The following FRYL variants were observed in gnomAD, a reference collection of about 807,000 sequenced individuals.
The protein encoded by FRYL is protein furry homolog-like.
FRYL carries 150 observed loss-of-function variants against 351.2 expected under a neutral mutation model. The observed-to-expected ratio is 0.43, with a 90% CI of 0.37 to 0.49. The LOEUF is 0.49. Among genes scored for constraint, FRYL ranks in the 20% least tolerant of loss-of-function variants. The probability of loss-of-function intolerance (pLI) is 0.00; values close to 1 mark genes in which losing one functional copy is unlikely to be tolerated. For missense variants in FRYL, 3,036 were observed against 3,619.3 expected, an observed-to-expected ratio of 0.84 and a Z score of 4.13; for synonymous variants, 1,153 against 1,257.1, an observed-to-expected ratio of 0.92 and a Z score of 1.75.
chr4:48,663,193 CA>C (rs146411753), intron 3 of FRYL, among the ~76,000 whole-genome samples: 4,884 of 151,870 alleles, frequency 0.032, 250 homozygotes, highest in African/African-American at 0.11. Context: ...ACTACAATAG[CA>C]CATAGGAGGA....
intron 3 of FRYL, among the ~76,000 whole-genome samples, chr4:48,668,316 A>C (rs1234359289): frequency 6.6e-6 from 1 of 151,742 alleles, no homozygotes; most frequent in Admixed American, 6.6e-5. Context: ...TTCCATTTTG[A>C]AACTAAGGCT....
At chr4:48,531,643 T>TA (rs1204575091) in intron 49 of FRYL, among the ~76,000 whole-genome samples, 1 of 152,214 alleles carries the variant, frequency 6.6e-6, no homozygotes, top group Non-Finnish European at 1.5e-5. Flanking sequence ...GACAGACTAA[T>TA]ACAGTAACTT....
rs182673838 is a variant in FRYL, at chr4:48,622,747, G to C, written c.174+379C>G. Reference sequence around the variant, plus strand: ...TTAGCATTAGAAGATCAGCACAAGAGTTGTTAGACACCGGCATTCTACATG... The same window carrying C: ...TTAGCATTAGAAGATCAGCACAAGACTTGTTAGACACCGGCATTCTACATG... On this transcript the variant is annotated intron_variant, in intron 5 of 63. Transcript: ENST00000358350. Among the ~76,000 whole-genome samples, 771 of 152,144 alleles carry C rather than the reference G, an allele frequency of 5.1e-3. 4 individuals are homozygous for C. Among genetic ancestry groups the C allele is most frequent in the African/African-American group, 0.018 (739 of 41,526 alleles).
chr4:48,716,709 T>C (rs1388353115), intron 1 of FRYL, among the ~76,000 whole-genome samples: 11 of 151,520 alleles, frequency 7.3e-5, no homozygotes, highest in Non-Finnish European at 1.5e-4. Flanking sequence ...TGGAAGTCAG[T>C]GTGGCGATTT....
At chr4:48,592,093 T>TATATATATATATATATATATATATATAC (rs1743458964) in intron 16 of FRYL, among the ~76,000 whole-genome samples, 1 of 36,508 alleles carries the variant, frequency 2.7e-5, no homozygotes, top group African/African-American at 6.0e-5. Flanking sequence ...TATATATATA[T>TATATATATATATATATATATATATATAC]ATATATATAT....
chr4:48,606,367 C>A, intron 10 of FRYL, 71 bp downstream of exon 10: 1 of 982,152 alleles, frequency 1.0e-6, no homozygotes, highest in South Asian at 2.2e-5. Flanking sequence ...TATTTTGTTT[C>A]TTTTAAAAAG....
At chr4:48,616,534 C>G (rs1749475617) in intron 7 of FRYL, among the ~76,000 whole-genome samples, 1 of 152,132 alleles carries the variant, frequency 6.6e-6, no homozygotes, top group African/African-American at 2.4e-5. Flanking sequence ...ACAAAGCAAG[C>G]AAGAGAGCTG....
intron 1 of FRYL, among the ~76,000 whole-genome samples, chr4:48,758,833 A>G (rs1030823553): frequency 1.3e-4 from 20 of 152,218 alleles, no homozygotes; most frequent in Non-Finnish European, 2.1e-4. Context: ...AACCAACCCA[A>G]ATGTCCATCA....
At chr4:48,633,487 T>G (rs1338838632) in intron 4 of FRYL, among the ~76,000 whole-genome samples, 1 of 152,168 alleles carries the variant, frequency 6.6e-6, no homozygotes, top group Admixed American at 6.5e-5. Context: ...ACTAATTCCA[T>G]GTGGTGAGAT....
At chr4:48,707,654 GA>G (rs1166147655) in intron 2 of FRYL, among the ~76,000 whole-genome samples, 9 of 152,014 alleles carry the variant, frequency 5.9e-5, no homozygotes. Flanking sequence ...CAAGACCTTA[GA>G]AAAGAAACTG....
chr4:48,700,375 C>T (rs1578760212), intron 2 of FRYL, among the ~76,000 whole-genome samples: 1 of 152,150 alleles, frequency 6.6e-6, no homozygotes. Flanking sequence ...TTCACCATCA[C>T]TACTAGTTAC....
intron 1 of FRYL, among the ~76,000 whole-genome samples, chr4:48,760,669 GATTT>G (rs1774310585): frequency 1.3e-5 from 2 of 151,790 alleles, no homozygotes; most frequent in Non-Finnish European, 2.9e-5. Flanking sequence ...GTTAACTGTA[GATTT>G]ATTTGTTTAT....
Position 48,557,098 on chromosome 4 carries a change from C to A in FRYL, c.4146G>T (p.Trp1382Cys), listed in dbSNP as rs780335982. ...MTAKYGDELA[W>C]SEVENVWTTL... Reference sequence around the variant, plus strand: ...TGGTCCACACATTCTCCACCTCCGACCAGGCCAGTTCATCGCCATACTAGA... The same window carrying A: ...TGGTCCACACATTCTCCACCTCCGAACAGGCCAGTTCATCGCCATACTAGA... The change falls in exon 35 of 64, where the codon TGG becomes TGT. Residue 1382 changes from tryptophan (W) to cysteine (C), a missense_variant. Coordinates refer to ENST00000358350, the MANE Select transcript of FRYL (RefSeq NM_015030.2). 1.9e-6 allele frequency: 3 copies of A among 1,599,908 alleles called. No individual in the cohort carries two copies. The African/African-American group carries it at 4.1e-5, about 22-fold the overall frequency.
intron 1 of FRYL, among the ~76,000 whole-genome samples, chr4:48,766,023 C>T (rs930228027): frequency 2.1e-4 from 32 of 152,118 alleles, no homozygotes; most frequent in African/African-American, 5.8e-4. Context: ...TGCTTGCATA[C>T]GCTGGTGGGA....
At chr4:48,668,692 T>C (rs1762167345) in intron 3 of FRYL, among the ~76,000 whole-genome samples, 1 of 152,172 alleles carries the variant, frequency 6.6e-6, no homozygotes, top group African/African-American at 2.4e-5. Context: ...AAAGAAACAA[T>C]ACTTTCATGT....
intron 3 of FRYL, among the ~76,000 whole-genome samples, chr4:48,655,876 T>C (rs1164675235): frequency 7.1e-6 from 1 of 140,804 alleles, no homozygotes; most frequent in Non-Finnish European, 1.5e-5. Context: ...TATATACACA[T>C]ACATGTATAT....
chr4:48,676,642 C>T (rs1190868945), intron 3 of FRYL, among the ~76,000 whole-genome samples: 4 of 151,982 alleles, frequency 2.6e-5, no homozygotes, highest in Non-Finnish European at 4.4e-5. Flanking sequence ...CCGCCCGCCT[C>T]GGCCTCCCGA....
At chr4:48,751,292 T>C (rs189515632) in intron 1 of FRYL, among the ~76,000 whole-genome samples, 4 of 152,220 alleles carry the variant, frequency 2.6e-5, no homozygotes, top group African/African-American at 9.6e-5. Flanking sequence ...AATTTCACAA[T>C]GATGAAGATT....
intron 3 of FRYL, among the ~76,000 whole-genome samples, chr4:48,639,394 T>C (rs1378618415): frequency 6.6e-6 from 1 of 151,760 alleles, no homozygotes; most frequent in Non-Finnish European, 1.5e-5. Context: ...ACAAATACTA[T>C]CAACTGATCT....
Sources: gnomAD v4.1 joint callset for allele counts (sites outside exome capture counted in the v4.1 genomes callset) on GRCh38, gnomAD v4.1.1 for gene constraint, MANE v1.5 for transcripts, NCBI Gene and HGNC (gene_info 2026-07-23, HGNC 2026-07-21) for gene names.